The following ANO3 variants were observed in gnomAD, a reference collection of about 807,000 sequenced individuals.
The protein encoded by ANO3 is anoctamin-3.
ANO3 carries 99 observed loss-of-function variants against 144.8 expected under a neutral mutation model. The observed-to-expected ratio is 0.68, with a 90% CI of 0.58 to 0.81. The LOEUF is 0.81. Among genes scored for constraint, ANO3 ranks in the 30% least tolerant of loss-of-function variants. ANO3 has a pLI of 0.00. For missense variants in ANO3, 905 were observed against 1,202.2 expected, an observed-to-expected ratio of 0.75 and a Z score of 3.66; for synonymous variants, 414 against 392.6, an observed-to-expected ratio of 1.05 and a Z score of -0.64.
At chr11:26,192,262 A>G (rs1851492504) in intron 1 of ANO3, among the ~76,000 whole-genome samples, 4 of 152,180 alleles carry the variant, frequency 2.6e-5, no homozygotes, top group Admixed American at 2.6e-4. Context: ...TATTTTTAAT[A>G]GAGTCAAGTT....
chr11:26,413,465 A>G (rs1374684654), intron 1 of ANO3, among the ~76,000 whole-genome samples: 2 of 152,024 alleles, frequency 1.3e-5, no homozygotes, highest in Non-Finnish European at 2.9e-5. Flanking sequence ...TAATTTTTCA[A>G]CTGCAGTGTA....
At chr11:26,442,738 T>G (rs1420788450) in intron 2 of ANO3, among the ~76,000 whole-genome samples, 1 of 152,092 alleles carries the variant, frequency 6.6e-6, no homozygotes, top group Non-Finnish European at 1.5e-5. Flanking sequence ...ACAACCAAGC[T>G]CCCTGTTGTG....
chr11:26,342,572 A>AGG (rs1334335278), intron 1 of ANO3, among the ~76,000 whole-genome samples: 1 of 152,192 alleles, frequency 6.6e-6, no homozygotes, highest in African/African-American at 2.4e-5. Context: ...CTTACTTCTC[A>AGG]GCCTTCAGAA....
chr11:26,408,133 T>C (rs888243262), intron 1 of ANO3, among the ~76,000 whole-genome samples: 43 of 152,002 alleles, frequency 2.8e-4, no homozygotes, highest in African/African-American at 9.9e-4. Context: ...TGGGATCTAA[T>C]TAAACTAAAG....
chr11:26,614,298 G>A (rs952717050), intron 17 of ANO3, among the ~76,000 whole-genome samples: 1 of 152,196 alleles, frequency 6.6e-6, no homozygotes, highest in Non-Finnish European at 1.5e-5. Flanking sequence ...CCACTTTCCT[G>A]CTGTGCAGGT....
intron 21 of ANO3, 63 bp downstream of exon 21, chr11:26,639,304 G>GT (rs1466777068): frequency 8.1e-7 from 1 of 1,236,230 alleles, no homozygotes; most frequent in Non-Finnish European, 1.2e-6. Context: ...TAGAGGTGGC[G>GT]TGAGTAGTGC....
intron 1 of ANO3, among the ~76,000 whole-genome samples, chr11:26,234,512 G>T (rs973865415): frequency 6.6e-6 from 1 of 152,116 alleles, no homozygotes; most frequent in Non-Finnish European, 1.5e-5. Flanking sequence ...TAAGATGCTC[G>T]ATTTACATCA....
chr11:26,226,229 G>A (rs1033778300), intron 1 of ANO3, among the ~76,000 whole-genome samples: 5 of 151,818 alleles, frequency 3.3e-5, no homozygotes, highest in Non-Finnish European at 5.9e-5. Flanking sequence ...AAGACAGATG[G>A]TGTGGCATAT....
intron 1 of ANO3, among the ~76,000 whole-genome samples, chr11:26,318,563 G>C (rs779158610): frequency 1.3e-5 from 2 of 152,218 alleles, no homozygotes; most frequent in Non-Finnish European, 2.9e-5. Context: ...AAAAGAATCA[G>C]AGAACAATTC....
chr11:26,216,895 G>A (rs962605292), intron 1 of ANO3, among the ~76,000 whole-genome samples: 9 of 151,936 alleles, frequency 5.9e-5, no homozygotes, highest in African/African-American at 1.9e-4. Context: ...AATCTTTTGT[G>A]CAGTTTTTAA....
intron 1 of ANO3, among the ~76,000 whole-genome samples, chr11:26,274,351 A>C (rs1178658720): frequency 1.3e-5 from 2 of 152,172 alleles, no homozygotes; most frequent in African/African-American, 2.4e-5. Flanking sequence ...TGAATGGTTC[A>C]TAATATTTCA....
intron 3 of ANO3, among the ~76,000 whole-genome samples, chr11:26,449,563 G>T (rs1493729): frequency 0.94 from 142,423 of 151,814 alleles, 66,992 homozygotes; most frequent in East Asian, 1. Flanking sequence ...AATACACCCT[G>T]TTTTTGCTCT....
chr11:26,369,276 G>T (rs1856182276), intron 1 of ANO3, among the ~76,000 whole-genome samples: 1 of 152,046 alleles, frequency 6.6e-6, no homozygotes, highest in African/African-American at 2.4e-5. Flanking sequence ...GGGCATTTAG[G>T]AACTCTTTCA....
intron 11 of ANO3, among the ~76,000 whole-genome samples, chr11:26,544,144 C>T (rs1352705612): frequency 4.7e-5 from 7 of 150,374 alleles, no homozygotes; most frequent in Non-Finnish European, 1.0e-4. Context: ...TCAATAGTTA[C>T]ATTTACTTAG....
rs375743472 is a variant in ANO3, at chr11:26,293,530, C to CATATAT, written c.155-16113_155-16112insATATAT. 4.6e-3 allele frequency among the ~76,000 whole-genome samples: 284 copies of CATATAT among 62,400 alleles called. 51 individuals are homozygous for CATATAT. The highest frequency in any genetic ancestry group is 5.8e-3 in the East Asian group (14 of 2,420). The allele number at this position is 62,400 out of a possible 152,430, so 40.9% of individuals were successfully genotyped here. On this transcript the variant is annotated intron_variant, in intron 1 of 27. Coordinates refer to the ANO3 transcript ENST00000672621. ...CAGTCTAGAGTGGGTCTATAAATTCCATGTATATATATATATATATATATA... is the reference window on the plus strand; with the variant it reads ...CAGTCTAGAGTGGGTCTATAAATTCCATATATATGTATATATATATATATATATATA...
intron 1 of ANO3, among the ~76,000 whole-genome samples, chr11:26,431,781 A>C (rs987254140): frequency 6.6e-6 from 1 of 152,112 alleles, no homozygotes; most frequent in South Asian, 2.1e-4. Flanking sequence ...ACCACATTTT[A>C]CATTTTATTT....
intron 1 of ANO3, among the ~76,000 whole-genome samples, chr11:26,438,610 A>AAAAAAAAAAAAAAAAAAAAAG (rs1565024969): frequency 1.9e-4 from 14 of 73,846 alleles, no homozygotes; most frequent in East Asian, 4.4e-4. Flanking sequence ...AAAAAAAAAG[A>AAAAAAAAAAAAAAAAAAAAAG]AAAAAAAAAA....
At chr11:26,347,007 A>G (rs759708967) in intron 1 of ANO3, among the ~76,000 whole-genome samples, 1 of 152,204 alleles carries the variant, frequency 6.6e-6, no homozygotes, top group Admixed American at 6.5e-5. Context: ...GAAATCCAAA[A>G]TGTGCTGCCC....
At chr11:26,595,667 C>T (rs184761921) in intron 14 of ANO3, among the ~76,000 whole-genome samples, 9 of 151,952 alleles carry the variant, frequency 5.9e-5, no homozygotes, top group African/African-American at 9.7e-5. Context: ...GAAGGGAGTT[C>T]CTCCTAGGTC....
Sources: gnomAD v4.1 joint callset for allele counts (sites outside exome capture counted in the v4.1 genomes callset) on GRCh38, gnomAD v4.1.1 for gene constraint, MANE v1.5 for transcripts, NCBI Gene and HGNC (gene_info 2026-07-23, HGNC 2026-07-21) for gene names.